GPR158: variants seen among roughly 807,000 people sequenced by gnomAD.
GPR158 encodes G protein-coupled receptor 158.
A neutral mutation model predicts 78.2 loss-of-function variants in GPR158; 30 were observed. The observed-to-expected ratio is 0.38, with a 90% CI of 0.29 to 0.52. The LOEUF (loss-of-function observed/expected upper bound fraction) is 0.52, where lower values mean the gene tolerates loss of function less well. GPR158 is among the 20% of genes least tolerant of loss of function. GPR158 has a pLI of 0.83. For synonymous variants in GPR158, 581 were observed against 591.1 expected (o/e 0.98, Z 0.25); for missense variants, 1,463 against 1,523.5 (o/e 0.96, Z 0.66).
At chr10:25,466,215 C>T (rs1386872822) in intron 4 of GPR158, 4 of 153,784 alleles carry the variant, frequency 2.6e-5, no homozygotes, top group African/African-American at 9.6e-5. Flanking sequence ...TGCCACCGCA[C>T]ACTCTTTGGG....
chr10:25,428,715 C>T (rs921077455), intron 4 of GPR158, among the ~76,000 whole-genome samples: 6 of 151,922 alleles, frequency 3.9e-5, no homozygotes, highest in Non-Finnish European at 5.9e-5. Flanking sequence ...CTTTCAGTTC[C>T]GTACCTTTGT....
At chr10:25,583,046 T>C (rs1431954688) in intron 7 of GPR158, among the ~76,000 whole-genome samples, 27 of 152,180 alleles carry the variant, frequency 1.8e-4, no homozygotes, top group Admixed American at 1.8e-3. Flanking sequence ...AGACTCGGAT[T>C]CTAGGCTCCA....
chr10:25,188,636 GA>G (rs1852723784), intron 1 of GPR158, among the ~76,000 whole-genome samples: 1 of 152,156 alleles, frequency 6.6e-6, no homozygotes, highest in Admixed American at 6.5e-5. Context: ...ATTAATTCAA[GA>G]TGGATTGAAG....
chr10:25,486,993 T>C (rs1835744303), intron 5 of GPR158, among the ~76,000 whole-genome samples: 1 of 152,180 alleles, frequency 6.6e-6, no homozygotes, highest in African/African-American at 2.4e-5. Context: ...AGTGAATGTC[T>C]GCACTTTCAT....
intron 2 of GPR158, among the ~76,000 whole-genome samples, chr10:25,313,597 G>T (rs746427244): frequency 5.9e-5 from 9 of 152,022 alleles, no homozygotes; most frequent in Admixed American, 2.0e-4. Flanking sequence ...TGGCCATAAT[G>T]ATGTCATTTT....
chr10:25,443,373 G>C (rs1465643630), intron 4 of GPR158, among the ~76,000 whole-genome samples: 1 of 151,766 alleles, frequency 6.6e-6, no homozygotes, highest in African/African-American at 2.4e-5. Context: ...TGGCCAATTT[G>C]GTGAAACCCC....
At chr10:25,270,810 G>A (rs180777333) in intron 2 of GPR158, among the ~76,000 whole-genome samples, 48 of 152,210 alleles carry the variant, frequency 3.2e-4, no homozygotes, top group African/African-American at 1.2e-3. Flanking sequence ...TGAAAACTCG[G>A]TCTTTCTAAT....
At chr10:25,568,028 T>C (rs961033772) in intron 6 of GPR158, among the ~76,000 whole-genome samples, 13 of 152,122 alleles carry the variant, frequency 8.5e-5, no homozygotes. Flanking sequence ...GGGAGAAAAA[T>C]CAAAGTTTAT....
At chr10:25,430,304 G>A (rs963483366) in intron 4 of GPR158, among the ~76,000 whole-genome samples, 1 of 150,804 alleles carries the variant, frequency 6.6e-6, no homozygotes, top group African/African-American at 2.4e-5. Flanking sequence ...CAACTTACAA[G>A]GGATGTGAAG....
In GPR158 at chr10:25,241,331, C is replaced by CTTCTCTTCTCTTCTCTT. The variant is rs774956418; in HGVS notation, c.1008+20181_1008+20182insCTCTTCTCTTTTCTCTT. On this transcript the variant is annotated intron_variant, in intron 2 of 10. Transcript: ENST00000376351. The stretch of plus-strand genomic sequence containing the variant: ...TTTCTTTTCTCTTCTCTTCTCTTCT[C>CTTCTCTTCTCTTCTCTT]TTCTCTTTTCTCTTTTCTCTTTTCT... 5.2e-4 allele frequency among the ~76,000 whole-genome samples: 64 copies of CTTCTCTTCTCTTCTCTT among 123,846 alleles called. 1 individual carries two copies. The highest frequency in any genetic ancestry group is 1.8e-3 in the African/African-American group (50 of 27,364). 81.2% of individuals were successfully genotyped at this position (123,846 alleles called of 152,430 possible).
intron 2 of GPR158, among the ~76,000 whole-genome samples, chr10:25,347,637 G>A (rs530254507): frequency 2.0e-5 from 3 of 152,060 alleles, no homozygotes; most frequent in Non-Finnish European, 4.4e-5. Context: ...TAGAAAATTG[G>A]AAGATACTCT....
rs1462718168 is a variant in GPR158 at position 25,599,064 on chromosome 10, T to C, written c.3438T>C (p.Ser1146=). Residue 1146 remains serine (S), a synonymous_variant, in exon 11 of 11, where the codon TCT becomes TCC. Transcript: ENST00000376351. ...QIGHQEKKTS[S]SEENVRGSYN... ...GACACCAGGAAAAAAAGACATCTTCTTCTGAGGAGAATGTGCGTGGCTCCT... is the reference window on the plus strand; with the variant it reads ...GACACCAGGAAAAAAAGACATCTTCCTCTGAGGAGAATGTGCGTGGCTCCT... 6.2e-7 allele frequency: 1 copy of C among 1,613,896 alleles called. No individual in the cohort carries two copies. The highest frequency in any genetic ancestry group is 1.7e-5 in the Admixed American group (1 of 60,008).
intron 2 of GPR158, among the ~76,000 whole-genome samples, chr10:25,235,693 ATTTTTT>A (rs930396368): frequency 4.4e-5 from 5 of 113,822 alleles, no homozygotes; most frequent in South Asian, 3.0e-4. Flanking sequence ...TTGCACAGTA[ATTTTTT>A]TTTTTTTTTT....
At chr10:25,335,890 T>C (rs1315410494) in intron 2 of GPR158, among the ~76,000 whole-genome samples, 1 of 151,984 alleles carries the variant, frequency 6.6e-6, no homozygotes, top group Non-Finnish European at 1.5e-5. Flanking sequence ...CCTTGGGAAA[T>C]AAAACAATCC....
chr10:25,418,915 T>C (rs1179520986), intron 4 of GPR158, among the ~76,000 whole-genome samples: 1 of 151,378 alleles, frequency 6.6e-6, no homozygotes, highest in Non-Finnish European at 1.5e-5. Context: ...AATTAGAAGT[T>C]GACAAGAGAT....
intron 2 of GPR158, among the ~76,000 whole-genome samples, chr10:25,257,554 C>A (rs1853906877): frequency 6.6e-6 from 1 of 152,194 alleles, no homozygotes; most frequent in African/African-American, 2.4e-5. Flanking sequence ...AAGCAATCTG[C>A]TCTATTTTCT....
At chr10:25,529,252 T>TG (rs576238441) in intron 5 of GPR158, among the ~76,000 whole-genome samples, 6 of 152,176 alleles carry the variant, frequency 3.9e-5, no homozygotes, top group African/African-American at 1.4e-4. Flanking sequence ...CCGGGCGTGG[T>TG]GGCGGGCACC....
chr10:25,284,399 C>G lies in GPR158; in HGVS notation c.1008+63242C>G, dbSNP rs189066413. On this transcript the variant is annotated intron_variant, in intron 2 of 10. Transcript: ENST00000376351. ...GTCTCTCTTTATGTATGGTATTGTT[C>G]CTGTTCTGAAGTCTACTTTTTCTGA... Among the ~76,000 whole-genome samples the G allele has an allele frequency of 1.8e-3, 277 of 151,858 alleles. 3 individuals carry two copies. Among genetic ancestry groups the G allele is most frequent in the South Asian group, 4.8e-3 (23 of 4,812 alleles).
chr10:25,251,999 G>C (rs1221216004), intron 2 of GPR158, among the ~76,000 whole-genome samples: 2 of 151,656 alleles, frequency 1.3e-5, no homozygotes, highest in Non-Finnish European at 2.9e-5. Flanking sequence ...ATTTCTTGGA[G>C]GCTTTGCTCA....
Sources: allele counts gnomAD v4.1 joint callset (sites outside exome capture counted in the v4.1 genomes callset), GRCh38; gene constraint gnomAD v4.1.1; transcripts MANE v1.5; gene names NCBI Gene and HGNC (gene_info 2026-07-23, HGNC 2026-07-21).